The following NAV3 variants were observed in gnomAD, a reference collection of about 807,000 sequenced individuals.
NAV3 encodes neuron navigator 3, also known as pore membrane and/or filament interacting like protein 1.
In NAV3, 87 loss-of-function variants were observed where a neutral mutation model predicts 244.7. That is an observed-to-expected ratio of 0.36 (90% confidence interval 0.30 to 0.42). The LOEUF (loss-of-function observed/expected upper bound fraction) is 0.42. Ranked by LOEUF, NAV3 falls within the 20% of genes least tolerant of loss-of-function variation. The probability of loss-of-function intolerance (pLI) is 1.00; values close to 1 mark genes in which losing one functional copy is unlikely to be tolerated. For synonymous variants in NAV3, 1,126 were observed against 1,042.2 expected, an observed-to-expected ratio of 1.08 and a Z score of -1.55; for missense variants, 2,663 against 2,893.3, an observed-to-expected ratio of 0.92 and a Z score of 1.83.
At chr12:77,577,442 G>T (rs974521302) in intron 2 of NAV3, among the ~76,000 whole-genome samples, 1 of 152,038 alleles carries the variant, frequency 6.6e-6, no homozygotes, top group Non-Finnish European at 1.5e-5. Flanking sequence ...TGAAGTATTT[G>T]GACTTGGTAT....
At chr12:78,058,000 A>G (rs1172570854) in intron 11 of NAV3, among the ~76,000 whole-genome samples, 3 of 152,198 alleles carry the variant, frequency 2.0e-5, no homozygotes, top group Non-Finnish European at 4.4e-5. Flanking sequence ...GCATTTTTAA[A>G]TGTTATCTAT....
chr12:77,939,935 T>G (rs1889705318), intron 1 of NAV3, among the ~76,000 whole-genome samples: 1 of 152,206 alleles, frequency 6.6e-6, no homozygotes, highest in Non-Finnish European at 1.5e-5. Flanking sequence ...TAGTAATGTT[T>G]CTATGTAAAT....
intron 12 of NAV3, among the ~76,000 whole-genome samples, chr12:78,099,089 G>C (rs1566129440): frequency 1.3e-5 from 2 of 150,566 alleles, no homozygotes; most frequent in Non-Finnish European, 3.0e-5. Flanking sequence ...TTCTCTTTTT[G>C]TATATTTATC....
chr12:77,778,613 G>GAA (rs746919824), intron 2 of NAV3, among the ~76,000 whole-genome samples: 10 of 58,100 alleles, frequency 1.7e-4, no homozygotes, highest in South Asian at 5.9e-4. Flanking sequence ...CTCCGTCTCA[G>GAA]AAAAAAAAAA....
chr12:77,685,564 C>G (rs1237986994), intron 2 of NAV3, among the ~76,000 whole-genome samples: 1 of 151,538 alleles, frequency 6.6e-6, no homozygotes, highest in Non-Finnish European at 1.5e-5. Context: ...GCTTCCTATC[C>G]ACTTTTATCT....
At chr12:77,761,365 C>G (rs990653740) in intron 2 of NAV3, among the ~76,000 whole-genome samples, 3 of 152,140 alleles carry the variant, frequency 2.0e-5, no homozygotes, top group African/African-American at 4.8e-5. Flanking sequence ...TTTTAAAGAT[C>G]ATCTATGTCA....
chr12:78,003,111 A>T (rs1203902363), intron 7 of NAV3, among the ~76,000 whole-genome samples: 1 of 100,184 alleles, frequency 1.0e-5, no homozygotes, highest in Non-Finnish European at 2.4e-5. Context: ...ACTCCACCCC[A>T]TGTTTCTTTT....
chr12:77,791,735 A>G (rs548440516), intron 2 of NAV3, among the ~76,000 whole-genome samples: 18 of 152,274 alleles, frequency 1.2e-4, no homozygotes, highest in African/African-American at 4.1e-4. Flanking sequence ...TCAAACAATC[A>G]TGGATAAAAA....
intron 2 of NAV3, among the ~76,000 whole-genome samples, chr12:77,694,850 T>C (rs1425645526): frequency 2.6e-5 from 4 of 152,182 alleles, no homozygotes; most frequent in African/African-American, 9.6e-5. Context: ...ATTTTGGAGA[T>C]GTTTTGAGTG....
intron 23 of NAV3, among the ~76,000 whole-genome samples, chr12:78,160,660 A>G (rs1481046865): frequency 6.6e-6 from 1 of 152,142 alleles, no homozygotes; most frequent in East Asian, 1.9e-4. Flanking sequence ...AAACAGAATG[A>G]ATAGTTCAAT....
At chr12:77,908,194 A>G (rs1300105644) in intron 1 of NAV3, among the ~76,000 whole-genome samples, 1 of 152,140 alleles carries the variant, frequency 6.6e-6, no homozygotes, top group Non-Finnish European at 1.5e-5. Context: ...AACAACTTAT[A>G]TTCAAAACTG....
intron 2 of NAV3, among the ~76,000 whole-genome samples, chr12:77,656,897 T>C (rs1873137231): frequency 1.3e-5 from 2 of 152,042 alleles, no homozygotes; most frequent in Admixed American, 6.5e-5. Flanking sequence ...ATAAAGATGT[T>C]CTTTGAAACC....
At chr12:77,748,426 C>T (rs1006102260) in intron 2 of NAV3, among the ~76,000 whole-genome samples, 5 of 152,060 alleles carry the variant, frequency 3.3e-5, no homozygotes, top group Admixed American at 1.3e-4. Flanking sequence ...ATTCAAATTG[C>T]CCTTTTAAAT....
chr12:77,668,329 C>T (rs1473090343), intron 2 of NAV3, among the ~76,000 whole-genome samples: 1 of 151,992 alleles, frequency 6.6e-6, no homozygotes, highest in Non-Finnish European at 1.5e-5. Flanking sequence ...GACTATTAAG[C>T]TAATCAAGGA....
chr12:77,844,461 A>G (rs1052505631), intron 1 of NAV3, among the ~76,000 whole-genome samples: 2 of 152,226 alleles, frequency 1.3e-5, no homozygotes, highest in African/African-American at 4.8e-5. Context: ...CAATGCCCAA[A>G]GCATGAGCTA....
chr12:78,034,674 A>G (rs1879554970), intron 9 of NAV3, among the ~76,000 whole-genome samples: 1 of 152,226 alleles, frequency 6.6e-6, no homozygotes, highest in Admixed American at 6.5e-5. Context: ...TACTAGTGTA[A>G]CAAATGTTAA....
intron 2 of NAV3, among the ~76,000 whole-genome samples, chr12:77,586,962 T>C (rs893670533): frequency 6.6e-6 from 1 of 152,176 alleles, no homozygotes; most frequent in Admixed American, 6.5e-5. Flanking sequence ...AGAACAGTTA[T>C]GGAGTGTTTG....
intron 2 of NAV3, among the ~76,000 whole-genome samples, chr12:77,808,091 G>C (rs1872078373): frequency 6.6e-6 from 1 of 152,052 alleles, no homozygotes; most frequent in Non-Finnish European, 1.5e-5. Context: ...TTTTTGCAAG[G>C]TTCTTAGCTT....
chr12:78,006,339 G>A, intron 7 of NAV3, 80 bp from the exon 8 acceptor site: 2 of 1,302,736 alleles, frequency 1.5e-6, no homozygotes, highest in Non-Finnish European at 2.1e-6. Flanking sequence ...TCCATCAATA[G>A]TTTGGAAGTT....
Sources: allele counts gnomAD v4.1 joint callset (sites outside exome capture counted in the v4.1 genomes callset), GRCh38; gene constraint gnomAD v4.1.1; transcripts MANE v1.5; gene names NCBI Gene and HGNC (gene_info 2026-07-23, HGNC 2026-07-21).